Variants in CERS6 observed in about 807,000 individuals in gnomAD.
The protein encoded by CERS6 is ceramide synthase 6.
In CERS6, 26 loss-of-function variants were observed where a neutral mutation model predicts 56.8. The observed-to-expected ratio is 0.46, with a 90% CI of 0.34 to 0.63. CERS6 has a LOEUF of 0.63. Ranked by LOEUF, CERS6 falls within the 30% of genes least tolerant of loss-of-function variation. CERS6 has a pLI of 0.01. For synonymous variants in CERS6, 164 were observed against 173.3 expected (o/e 0.95, Z 0.42); for missense variants, 415 against 467.5 (o/e 0.89, Z 1.04).
chr2:168,493,224 C>G (rs1317133569), intron 1 of CERS6, among the ~76,000 whole-genome samples: 1 of 152,070 alleles, frequency 6.6e-6, no homozygotes, highest in Non-Finnish European at 1.5e-5. Context: ...TCTTTCAGAT[C>G]AGCCCCAGTA....
chr2:168,576,607 A>G (rs1683275582), intron 3 of CERS6, among the ~76,000 whole-genome samples: 1 of 152,188 alleles, frequency 6.6e-6, no homozygotes, highest in South Asian at 2.1e-4. Context: ...TTGAAAACTT[A>G]TAGAGAAGTT....
At chr2:168,664,103 A>G (rs1685698538) in intron 4 of CERS6, among the ~76,000 whole-genome samples, 1 of 152,204 alleles carries the variant, frequency 6.6e-6, no homozygotes, top group Non-Finnish European at 1.5e-5. Context: ...GTTACCTCTC[A>G]GAGCCCGTTC....
intron 1 of CERS6, among the ~76,000 whole-genome samples, chr2:168,506,612 G>A (rs750524985): frequency 2.0e-5 from 3 of 152,170 alleles, no homozygotes; most frequent in Non-Finnish European, 4.4e-5. Context: ...TATGAGATCA[G>A]TTTTAGACTG....
chr2:168,716,815 T>C lies in CERS6; in HGVS notation c.739-1057T>C, dbSNP rs186996690. Among the ~76,000 whole-genome samples, 188 of 152,294 alleles carry C rather than the reference T, an allele frequency of 1.2e-3. 2 individuals carry two copies. The highest frequency in any genetic ancestry group is 4.3e-3 in the African/African-American group (179 of 41,584). ...TCCTAACTTCCACCCAGTTAATAGATATTTCCCCTTAGGAATACATTCCTC... is the reference window on the plus strand; with the variant it reads ...TCCTAACTTCCACCCAGTTAATAGACATTTCCCCTTAGGAATACATTCCTC... On this transcript the variant is annotated intron_variant, in intron 7 of 9. Coordinates refer to ENST00000305747, the MANE Select transcript of CERS6 (RefSeq NM_203463.3).
chr2:168,541,193 A>G (rs184955607), intron 1 of CERS6, among the ~76,000 whole-genome samples: 180 of 152,276 alleles, frequency 1.2e-3, no homozygotes, highest in Non-Finnish European at 2.0e-3. Flanking sequence ...GCGTCAATCC[A>G]TTTATGAGGG....
intron 4 of CERS6, among the ~76,000 whole-genome samples, chr2:168,633,177 A>T (rs540141898): frequency 7.4e-5 from 10 of 135,858 alleles, no homozygotes; most frequent in East Asian, 3.0e-4. Flanking sequence ...TTTTTTTAAT[A>T]AAAAAAAAAA....
At chr2:168,764,385 G>A (rs566300915) in intron 8 of CERS6, among the ~76,000 whole-genome samples, 177 of 151,944 alleles carry the variant, frequency 1.2e-3, no homozygotes, top group African/African-American at 4.1e-3. Context: ...CTCGTGATCC[G>A]CCCACCTCGG....
intron 8 of CERS6, among the ~76,000 whole-genome samples, chr2:168,732,053 CAG>C (rs1683554668): frequency 6.6e-6 from 1 of 152,186 alleles, no homozygotes. Context: ...AGGGAAGAAA[CAG>C]AGCTTGAATG....
At chr2:168,577,462 T>C (rs749194042) in intron 3 of CERS6, among the ~76,000 whole-genome samples, 75 of 152,144 alleles carry the variant, frequency 4.9e-4, no homozygotes, top group Admixed American at 1.2e-3. Context: ...GAATAGTCAT[T>C]AGAGGAGGAA....
At chr2:168,612,165 T>C (rs185426257) in intron 3 of CERS6, among the ~76,000 whole-genome samples, 2 of 152,336 alleles carry the variant, frequency 1.3e-5, no homozygotes, top group East Asian at 3.9e-4. Flanking sequence ...ATTTTGCAGA[T>C]GAGAAAGAGG....
At chr2:168,711,560 C>A (rs1413593131) in intron 6 of CERS6, among the ~76,000 whole-genome samples, 4 of 151,890 alleles carry the variant, frequency 2.6e-5, no homozygotes, top group Middle Eastern at 3.4e-3. Flanking sequence ...ATGGTGAAAC[C>A]CCGTCTCAAC....
chr2:168,486,586 C>A (rs908110515), intron 1 of CERS6, among the ~76,000 whole-genome samples: 1 of 147,154 alleles, frequency 6.8e-6, no homozygotes, highest in Non-Finnish European at 1.5e-5. Flanking sequence ...AAAAGACAAT[C>A]GTTTTTCCAC....
intron 1 of CERS6, among the ~76,000 whole-genome samples, chr2:168,486,878 C>T (rs528219400): frequency 1.3e-5 from 2 of 152,148 alleles, no homozygotes; most frequent in Admixed American, 1.3e-4. Context: ...TCCTTATCCA[C>T]TTATTCATTG....
intron 1 of CERS6, among the ~76,000 whole-genome samples, chr2:168,509,639 A>G (rs1558977569): frequency 6.6e-6 from 1 of 152,202 alleles, no homozygotes; most frequent in Non-Finnish European, 1.5e-5. Flanking sequence ...TGGTCTATAT[A>G]TTCTAAATAA....
chr2:168,769,982 G>T lies in CERS6; in HGVS notation c.*320G>T. The T allele has an allele frequency of 3.5e-6, 1 of 285,526 alleles. No homozygotes were observed. Among genetic ancestry groups the T allele is most frequent in the Non-Finnish European group, 6.5e-6 (1 of 153,180 alleles). The allele number at this position is 285,526 out of a possible 1,614,324, so 17.7% of individuals were successfully genotyped here. A position where few individuals can be genotyped will look rare whatever the true frequency, so the allele number is the denominator to read the frequency against. ...TTTCCTCACTCCTTTTACTCACTGG[G>T]CTCATGACAGTGAAGGAGATGCTCC... On this transcript the variant is annotated 3_prime_UTR_variant, in exon 10 of 10. Transcript: ENST00000305747.
At chr2:168,507,033 G>A (rs10170932) in intron 1 of CERS6, among the ~76,000 whole-genome samples, 2,498 of 152,188 alleles carry the variant, frequency 0.016, 51 homozygotes, top group African/African-American at 0.058. Context: ...TCCCATGTGT[G>A]CACTGTGTGT....
intron 8 of CERS6, among the ~76,000 whole-genome samples, chr2:168,750,544 T>C (rs1334116208): frequency 1.3e-5 from 2 of 152,252 alleles, no homozygotes; most frequent in African/African-American, 4.8e-5. Flanking sequence ...AATTTAACAT[T>C]GTACTCTCAG....
At chr2:168,581,350 C>T (rs945711803) in intron 3 of CERS6, among the ~76,000 whole-genome samples, 1 of 152,120 alleles carries the variant, frequency 6.6e-6, no homozygotes, top group Non-Finnish European at 1.5e-5. Context: ...CTGGAAAATT[C>T]TCAGTCATTA....
intron 1 of CERS6, among the ~76,000 whole-genome samples, chr2:168,478,227 G>A (rs978362330): frequency 3.3e-5 from 5 of 152,094 alleles, no homozygotes; most frequent in Admixed American, 6.5e-5. Flanking sequence ...TCTGAGAGCT[G>A]AGCAGTGAGA....
Sources: allele counts gnomAD v4.1 joint callset (sites outside exome capture counted in the v4.1 genomes callset), GRCh38; gene constraint gnomAD v4.1.1; transcripts MANE v1.5; gene names NCBI Gene and HGNC (gene_info 2026-07-23, HGNC 2026-07-21).